Variants in DAPK2 observed in about 807,000 individuals in gnomAD.
DAPK2 encodes death-associated protein kinase 2.
A neutral mutation model predicts 44.1 loss-of-function variants in DAPK2; 35 were observed. The ratio of observed to expected loss-of-function variants is 0.79; its 90% CI spans 0.61 to 1.05. The LOEUF (loss-of-function observed/expected upper bound fraction) is 1.05. Among genes scored for constraint, DAPK2 ranks in the 50% least tolerant of loss-of-function variants. The pLI is 0.00. For synonymous variants in DAPK2, 174 were observed against 182.6 expected, an observed-to-expected ratio of 0.95 and a Z score of 0.38; for missense variants, 453 against 483.2, an observed-to-expected ratio of 0.94 and a Z score of 0.59.
chr15:63,959,082 T>C (rs556621058), intron 3 of DAPK2, among the ~76,000 whole-genome samples: 1 of 152,308 alleles, frequency 6.6e-6, no homozygotes, highest in South Asian at 2.1e-4. Flanking sequence ...CCCTTGTAAG[T>C]TGGATTCCTA....
At chr15:63,994,125 C>T (rs778053808) in intron 1 of DAPK2, among the ~76,000 whole-genome samples, 3 of 152,140 alleles carry the variant, frequency 2.0e-5, no homozygotes, top group Non-Finnish European at 4.4e-5. Context: ...ATGACCTGGG[C>T]ATTCATCTTG....
chr15:63,954,791 T>C (rs983139364), intron 3 of DAPK2, among the ~76,000 whole-genome samples: 9 of 152,234 alleles, frequency 5.9e-5, no homozygotes, highest in African/African-American at 1.2e-4. Context: ...GAACATAGAA[T>C]ATCTTTCCAT....
At chr15:63,970,774 G>T (rs1280781479) in intron 3 of DAPK2, among the ~76,000 whole-genome samples, 2 of 152,210 alleles carry the variant, frequency 1.3e-5, no homozygotes, top group African/African-American at 4.8e-5. Context: ...ACTGAGCTCA[G>T]TTACTAAGGG....
Position 64,013,308 on chromosome 15 carries a change from T to G in DAPK2, c.92+26862A>C, listed in dbSNP as rs921852118. Among the ~76,000 whole-genome samples, 1 of 152,238 alleles carries G rather than the reference T, an allele frequency of 6.6e-6. No individual in the cohort carries two copies. The highest frequency in any genetic ancestry group is 6.5e-5 in the Admixed American group (1 of 15,290). ...CAAGGGTTAAGATCTTGTTCTTCAT[T>G]ACTGAGATTTTAAGCTGGGAGGCTG... On this transcript the variant is annotated intron_variant, in intron 1 of 10. Coordinates refer to ENST00000261891, the Ensembl canonical transcript of DAPK2. The surrounding 1 kb of genome is among the most constrained non-coding windows in gnomAD (Gnocchi z 4.7).
rs772658512 is a variant in DAPK2 at position 63,939,412 on chromosome 15, A to C, written c.454-51T>G. On this transcript the variant is annotated intron_variant, in intron 3 of 10. Transcript: ENST00000261891. The surrounding 1 kb of genome is among the most constrained non-coding windows in gnomAD (Gnocchi z 4.3). ...AAAAAGGAAGGAAGAAAAGAAAAAA[A>C]AAGACGGTAATTAAAGGCTGGTTGG... 1 of 1,552,094 alleles carries C rather than the reference A, an allele frequency of 6.4e-7. No individual in the cohort carries two copies. The highest frequency in any genetic ancestry group is 2.3e-5 in the East Asian group (1 of 44,200).
chr15:63,926,147 G>C, intron 6 of DAPK2, 54 bp from the exon 8 acceptor site: 10 of 1,554,300 alleles, frequency 6.4e-6, no homozygotes, highest in Non-Finnish European at 8.7e-6. Flanking sequence ...GTGGAAATGG[G>C]GATTACGGAC....
chr15:63,982,379 TG>T lies in DAPK2; in HGVS notation c.314+1153del, dbSNP rs2078543485. On this transcript the variant is annotated intron_variant, in intron 2 of 10. Coordinates refer to ENST00000261891, the Ensembl canonical transcript of DAPK2. ...CTAATTTTTGTATTTTCAGTAGAGA[TG>T]GGGTTTCACCATGTTAGCCAGGCTG... is the stretch of plus-strand genomic sequence containing the variant. Among the ~76,000 whole-genome samples the T allele has an allele frequency of 2.0e-5, 3 of 152,056 alleles. No individual in the cohort carries two copies. In the South Asian group the frequency reaches 6.2e-4, roughly 32 times the overall value.
chr15:64,002,741 T>G (rs2079114450), intron 1 of DAPK2, among the ~76,000 whole-genome samples: 1 of 152,196 alleles, frequency 6.6e-6, no homozygotes, highest in Non-Finnish European at 1.5e-5. Flanking sequence ...AGGCAGCTAT[T>G]TGGTAAGAAT....
At chr15:64,009,584 T>A (rs898125480) in intron 1 of DAPK2, among the ~76,000 whole-genome samples, 1 of 151,624 alleles carries the variant, frequency 6.6e-6, no homozygotes, top group African/African-American at 2.4e-5. Context: ...AACTAGGAGG[T>A]CGTCTGCCTA....
chr15:64,033,287 G>GGGAAGAAAGGAAGGAAGGAAGGAA (rs2080077693), intron 1 of DAPK2, among the ~76,000 whole-genome samples: 1 of 51,176 alleles, frequency 2.0e-5, no homozygotes, highest in Admixed American at 2.3e-4. Context: ...AGGGGGAAGG[G>GGGAAGAAAGGAAGGAAGGAAGGAA]GGAAGGAAGG....
intron 3 of DAPK2, among the ~76,000 whole-genome samples, chr15:63,956,746 C>A (rs925689925): frequency 6.6e-6 from 1 of 151,796 alleles, no homozygotes; most frequent in Non-Finnish European, 1.5e-5. Flanking sequence ...ACCACCACAC[C>A]TGGCTAATTT....
chr15:63,976,077 A>G (rs1299326838), intron 2 of DAPK2, among the ~76,000 whole-genome samples: 15 of 152,240 alleles, frequency 9.9e-5, no homozygotes, highest in Admixed American at 9.8e-4. Context: ...AACCGGACAT[A>G]AAATAGTGAC....
chr15:64,003,226 C>G (rs745420307), intron 1 of DAPK2, among the ~76,000 whole-genome samples: 1 of 152,176 alleles, frequency 6.6e-6, no homozygotes, highest in African/African-American at 2.4e-5. Context: ...CTCTTCTCTT[C>G]TAACTCTGAA....
At chr15:63,963,527 T>C (rs1359348490) in intron 3 of DAPK2, among the ~76,000 whole-genome samples, 1 of 152,226 alleles carries the variant, frequency 6.6e-6, no homozygotes, top group Non-Finnish European at 1.5e-5. Context: ...GATTGGAGAA[T>C]TTAGTCCATT....
chr15:63,976,477 G>A (rs762130409), intron 2 of DAPK2, among the ~76,000 whole-genome samples: 9 of 152,130 alleles, frequency 5.9e-5, no homozygotes, highest in Non-Finnish European at 1.3e-4. Flanking sequence ...TCAGCACTTT[G>A]GGAGGCTGAG....
intron 1 of DAPK2, among the ~76,000 whole-genome samples, chr15:63,999,450 G>T (rs772790315): frequency 1.3e-5 from 2 of 152,178 alleles, no homozygotes; most frequent in Non-Finnish European, 2.9e-5. Context: ...ACTCACAGCA[G>T]CTTGCCCAAG....
Position 63,969,511 on chromosome 15 carries a change from G to A in DAPK2, c.453+1912C>T, listed in dbSNP as rs1415952149. 3.9e-5 allele frequency among the ~76,000 whole-genome samples: 6 copies of A among 152,080 alleles called. No homozygotes were observed. The East Asian group carries it at 7.7e-4, about 20-fold the overall frequency. On this transcript the variant is annotated intron_variant, in intron 3 of 10. Coordinates refer to ENST00000261891, the Ensembl canonical transcript of DAPK2. ...CCCAACACTTTTGAGAGGCTGAGGC[G>A]GGTGGACCACTTGAGCCCAGGAGCT...
rs1259302431 is a variant in DAPK2, at chr15:63,908,691, T to C, written c.1033-91A>G. The C allele has an allele frequency of 2.8e-6, 3 of 1,089,092 alleles. No homozygotes were observed. Among genetic ancestry groups the C allele is most frequent in the Non-Finnish European group, 3.8e-6 (3 of 784,404 alleles). The allele number at this position is 1,089,092 out of a possible 1,614,324, so 67.5% of individuals were successfully genotyped here. A position where few individuals can be genotyped will look rare whatever the true frequency, so the allele number is the denominator to read the frequency against. ...GCTGGGCAACCTGGGTTGATTCACCTGGACCACGGGACTACAAGCCAGGGA... is the reference window on the plus strand; with the variant it reads ...GCTGGGCAACCTGGGTTGATTCACCCGGACCACGGGACTACAAGCCAGGGA... On this transcript the variant is annotated intron_variant, in intron 10 of 10. Transcript: ENST00000261891. The surrounding 1 kb of genome is among the most constrained non-coding windows in gnomAD (Gnocchi z 5.7).
intron 10 of DAPK2, chr15:63,909,224 T>C (rs1023580187): frequency 1.3e-5 from 2 of 152,184 alleles, no homozygotes; most frequent in African/African-American, 2.4e-5. Flanking sequence ...TCTAATGTAA[T>C]TATAAAATTA....
Sources: gnomAD v4.1 joint callset for allele counts (sites outside exome capture counted in the v4.1 genomes callset) on GRCh38, gnomAD v4.1.1 for gene constraint, Gnocchi (gnomAD v3.1) non-coding constraint, MANE v1.5 for transcripts, NCBI Gene and HGNC (gene_info 2026-07-23, HGNC 2026-07-21) for gene names.